Variants in NARS2 observed in about 807,000 individuals in gnomAD.
NARS2 encodes asparaginyl-tRNA synthetase 2, mitochondrial.
A neutral mutation model predicts 62.9 loss-of-function variants in NARS2; 60 were observed. The observed-to-expected ratio is 0.95, with a 90% CI of 0.77 to 1.18. NARS2 has a LOEUF of 1.18. Ranked by LOEUF, NARS2 falls within the 50% of genes most tolerant of loss-of-function variation. The probability of loss-of-function intolerance (pLI) is 0.00; values close to 1 mark genes in which losing one functional copy is unlikely to be tolerated. For synonymous variants in NARS2, 196 were observed against 200.0 expected, an observed-to-expected ratio of 0.98 and a Z score of 0.17; for missense variants, 619 against 576.4, an observed-to-expected ratio of 1.07 and a Z score of -0.76.
intron 11 of NARS2, among the ~76,000 whole-genome samples, chr11:78,461,404 G>A (rs1270115548): frequency 2.6e-5 from 4 of 151,892 alleles, no homozygotes; most frequent in Non-Finnish European, 5.9e-5. Context: ...CAAGGGAGTA[G>A]AGGGTTATAA....
At chr11:78,491,774 A>G (rs1859829154) in intron 7 of NARS2, among the ~76,000 whole-genome samples, 1 of 152,160 alleles carries the variant, frequency 6.6e-6, no homozygotes, top group Admixed American at 6.6e-5. Flanking sequence ...CCCTGCCCAC[A>G]CATCTCTGCC....
chr11:78,514,127 T>A (rs1445495059), intron 6 of NARS2, among the ~76,000 whole-genome samples: 1 of 152,102 alleles, frequency 6.6e-6, no homozygotes, highest in Non-Finnish European at 1.5e-5. Flanking sequence ...GTCTCAGGTA[T>A]TTCTCTCTTT....
rs1856914191 is a variant in NARS2, at chr11:78,571,341, TCAAGGC to T, written c.239_244del (p.Gly80_Leu81del). On this transcript the variant is annotated inframe_deletion, in exon 2 of 14. Coordinates refer to ENST00000281038, the MANE Select transcript of NARS2 (RefSeq NM_024678.6). Reference sequence around the variant, plus strand: ...TTTAAAAAACAAAACTCACCTACTGTCAAGGCCTGAATCTGCAACAACCTGAAGGCT... The same window carrying T: ...TTTAAAAAACAAAACTCACCTACTGTCTGAATCTGCAACAACCTGAAGGCT... 6.2e-7 allele frequency: 1 copy of T among 1,609,280 alleles called. No homozygotes were observed. Among genetic ancestry groups the T allele is most frequent in the African/African-American group, 1.3e-5 (1 of 74,816 alleles).
chr11:78,494,196 C>G (rs578151749), intron 6 of NARS2, among the ~76,000 whole-genome samples: 12 of 152,302 alleles, frequency 7.9e-5, no homozygotes, highest in Admixed American at 2.6e-4. Context: ...GACACTACAT[C>G]CGTCATTCTT....
chr11:78,472,615 T>C (rs1228868597), intron 9 of NARS2, among the ~76,000 whole-genome samples: 6 of 152,188 alleles, frequency 3.9e-5, no homozygotes, highest in Non-Finnish European at 1.5e-5. Context: ...TTGTAACAGG[T>C]AGTGAAAAAT....
intron 6 of NARS2, among the ~76,000 whole-genome samples, chr11:78,503,477 A>T (rs1022960406): frequency 2.0e-5 from 3 of 152,074 alleles, no homozygotes; most frequent in African/African-American, 7.2e-5. Context: ...ACCTCAGGTG[A>T]TCCACCCGCC....
At chr11:78,484,354 C>T (rs1488691640) in intron 7 of NARS2, among the ~76,000 whole-genome samples, 1 of 152,116 alleles carries the variant, frequency 6.6e-6, no homozygotes, top group East Asian at 1.9e-4. Context: ...ACTAAAACAT[C>T]AAAAGCAACT....
intron 11 of NARS2, among the ~76,000 whole-genome samples, chr11:78,454,749 G>T (rs1478014968): frequency 6.6e-6 from 1 of 151,772 alleles, no homozygotes. Flanking sequence ...CTCCCAAGTA[G>T]CTGGGATTAT....
intron 6 of NARS2, among the ~76,000 whole-genome samples, chr11:78,508,809 T>C (rs1323360857): frequency 6.6e-6 from 1 of 151,964 alleles, no homozygotes; most frequent in Non-Finnish European, 1.5e-5. Context: ...AAGCAACTCA[T>C]CTCATGTAAG....
rs965696688 is a variant in NARS2 at position 78,570,077 on chromosome 11, C to T, written c.251+1258G>A. ...TGGTGTCGCACACCTGTAATCCCAA[C>T]TACTTGGGAGACTGAGGCACGAGAA... On this transcript the variant is annotated intron_variant, in intron 2 of 13. Transcript: ENST00000281038. Among the ~76,000 whole-genome samples, 6 of 152,198 alleles carry T rather than the reference C, an allele frequency of 3.9e-5. 1 individual carries two copies. Among genetic ancestry groups the T allele is most frequent in the Middle Eastern group, 3.4e-3 (1 of 294 alleles).
chr11:78,482,787 T>A (rs1859412535), intron 7 of NARS2, among the ~76,000 whole-genome samples: 1 of 152,106 alleles, frequency 6.6e-6, no homozygotes, highest in Admixed American at 6.6e-5. Flanking sequence ...ACCAGACAGA[T>A]TCACAGCCAA....
intron 4 of NARS2, among the ~76,000 whole-genome samples, chr11:78,562,956 A>T (rs977900082): frequency 6.6e-6 from 1 of 152,230 alleles, no homozygotes; most frequent in African/African-American, 2.4e-5. Flanking sequence ...CAGATCAAAG[A>T]AACACTACAA....
chr11:78,551,000 T>C (rs1242027428), intron 5 of NARS2, among the ~76,000 whole-genome samples: 3 of 152,178 alleles, frequency 2.0e-5, no homozygotes, highest in Non-Finnish European at 2.9e-5. Flanking sequence ...ATTCCATTTA[T>C]ATGAAAAGTT....
chr11:78,459,069 C>T (rs1367538867), intron 11 of NARS2, among the ~76,000 whole-genome samples: 1 of 152,060 alleles, frequency 6.6e-6, no homozygotes, highest in Non-Finnish European at 1.5e-5. Context: ...TGCCTGCCAC[C>T]ATGCCTGGCT....
chr11:78,510,846 A>G (rs983891769), intron 6 of NARS2, among the ~76,000 whole-genome samples: 3 of 151,932 alleles, frequency 2.0e-5, no homozygotes, highest in Admixed American at 2.0e-4. Flanking sequence ...CAAAGAAAGG[A>G]ACAAACTACT....
At position 78,460,759 on chromosome 11, in the gene NARS2, G is replaced by C. The variant is rs373835063; in HGVS notation, c.1164+5117C>G. On this transcript the variant is annotated intron_variant, in intron 11 of 13. Coordinates refer to ENST00000281038, the MANE Select transcript of NARS2 (RefSeq NM_024678.6). ...TGTGTTGTGTTTGAGATGCCTTTGA[G>C]ATATGTAAATGGCAGTCAATGAGGC... is the stretch of plus-strand genomic sequence containing the variant. Among the ~76,000 whole-genome samples the C allele has an allele frequency of 1.4e-4, 22 of 152,284 alleles. No individual in the cohort carries two copies. The East Asian group carries it at 3.9e-3, about 27-fold the overall frequency.
chr11:78,568,671 C>G lies in NARS2; in HGVS notation c.333G>C (p.Lys111Asn), dbSNP rs755340276. The change falls in exon 3 of 14, where the codon AAG becomes AAC. Residue 111 changes from lysine to asparagine, a missense_variant. Transcript: ENST00000281038. ...SPSKRQNVEL[K>N]AEKIKVIGNC... is the part of the protein sequence containing the mutation. ...TTCCAATAACTTTAATTTTTTCTGC[C>G]TTCAGTTCCACATTTTGCCTTTTGG... 6.2e-7 allele frequency: 1 copy of G among 1,613,058 alleles called. No individual in the cohort carries two copies. Among genetic ancestry groups the G allele is most frequent in the South Asian group, 1.1e-5 (1 of 90,936 alleles).
intron 11 of NARS2, among the ~76,000 whole-genome samples, chr11:78,465,026 C>T (rs10899516): frequency 0.24 from 35,981 of 152,140 alleles, 4,605 homozygotes; most frequent in East Asian, 0.42. Context: ...CAGGGGGCGG[C>T]GCTCGTCAGG....
At chr11:78,519,857 C>T (rs1181631945) in intron 6 of NARS2, among the ~76,000 whole-genome samples, 3 of 152,002 alleles carry the variant, frequency 2.0e-5, no homozygotes, top group Non-Finnish European at 2.9e-5. Context: ...CATGCCACCA[C>T]GCCTGGCTAA....
Sources: gnomAD v4.1 joint callset for allele counts (sites outside exome capture counted in the v4.1 genomes callset) on GRCh38, gnomAD v4.1.1 for gene constraint, MANE v1.5 for transcripts, NCBI Gene and HGNC (gene_info 2026-07-23, HGNC 2026-07-21) for gene names.